The following ST7L variants were observed in gnomAD, a reference collection of about 807,000 sequenced individuals.
ST7L encodes suppression of tumorigenicity 7 like, also known as suppressor of tumorigenicity 7 protein-like.
Under a neutral mutation model 72.5 loss-of-function variants are expected in ST7L, and 57 were observed. That is an observed-to-expected ratio of 0.79 (90% CI 0.64 to 0.98). ST7L has a LOEUF of 0.98. Among genes scored for constraint, ST7L ranks in the 50% least tolerant of loss-of-function variants. ST7L has a pLI of 0.00. For missense variants in ST7L, 576 were observed against 672.2 expected (o/e 0.86, Z 1.58); for synonymous variants, 221 against 240.9 (o/e 0.92, Z 0.77).
chr1:112,522,495 C>T (rs546316404), downstream of ST7L: 2 of 152,350 alleles, frequency 1.3e-5, no homozygotes, highest in Admixed American at 6.5e-5. Context: ...ATAAAGAATT[C>T]TGGATACAGG....
chr1:112,583,588 C>T (rs1251641764), intron 7 of ST7L, among the ~76,000 whole-genome samples: 2 of 152,196 alleles, frequency 1.3e-5, no homozygotes, highest in Non-Finnish European at 2.9e-5. Context: ...AAATAATGTA[C>T]CTCTACTGTT....
At chr1:112,619,629 T>TA (rs1403463171), upstream of ST7L, 11 of 573,278 alleles carry the variant, frequency 1.9e-5, no homozygotes, top group Non-Finnish European at 2.8e-5. Context: ...GGAAAGATAT[T>TA]AGACTTCAAA....
intron 7 of ST7L, 55 bp from the exon 8 acceptor site, chr1:112,582,527 T>C (rs1207473987): frequency 9.7e-7 from 1 of 1,035,488 alleles, no homozygotes; most frequent in Admixed American, 2.2e-5. Flanking sequence ...TGTGGGCTGC[T>C]ATTTCATTAA....
intron 14 of ST7L, chr1:112,540,178 C>T: frequency 1.0e-6 from 1 of 985,370 alleles, no homozygotes; most frequent in Non-Finnish European, 1.2e-6. Context: ...TAGATCTATT[C>T]CAGATTCTAG....
chr1:112,599,073 A>AAAAAAAAAAATATATAT (rs1190968815), intron 4 of ST7L, among the ~76,000 whole-genome samples: 5 of 56,996 alleles, frequency 8.8e-5, no homozygotes, highest in Admixed American at 2.8e-4. Flanking sequence ...AAAAAAAAAA[A>AAAAAAAAAAATATATAT]ATATATATAT....
chr1:112,572,072 T>C (rs1662230693), intron 11 of ST7L, among the ~76,000 whole-genome samples: 1 of 152,216 alleles, frequency 6.6e-6, no homozygotes, highest in Non-Finnish European at 1.5e-5. Context: ...AACAGAGCTC[T>C]TGGGTGACTA....
chr1:112,611,868 T>C (rs933661533), intron 2 of ST7L, among the ~76,000 whole-genome samples: 10 of 150,538 alleles, frequency 6.6e-5, no homozygotes, highest in Non-Finnish European at 1.3e-4. Context: ...ACTCAGGAAG[T>C]TGAAGTGGGA....
intron 6 of ST7L, among the ~76,000 whole-genome samples, chr1:112,587,321 G>A (rs1028518600): frequency 6.6e-6 from 1 of 152,152 alleles, no homozygotes; most frequent in Non-Finnish European, 1.5e-5. Flanking sequence ...AAAAATCATG[G>A]CCAGGCGTGG....
intron 6 of ST7L, among the ~76,000 whole-genome samples, chr1:112,585,718 G>A (rs1664774745): frequency 6.8e-6 from 1 of 148,072 alleles, no homozygotes; most frequent in Non-Finnish European, 1.5e-5. Context: ...GGGTGACAGA[G>A]TGAGACTCCG....
At chr1:112,602,713 CTTTTTTT>C (rs35617753) in intron 3 of ST7L, among the ~76,000 whole-genome samples, 4 of 120,498 alleles carry the variant, frequency 3.3e-5, no homozygotes, top group African/African-American at 3.2e-5. Flanking sequence ...CATTTTCTTT[CTTTTTTT>C]TTTTTTTTTT....
intron 12 of ST7L, among the ~76,000 whole-genome samples, chr1:112,552,422 G>A (rs1371170283): frequency 2.6e-5 from 4 of 151,842 alleles, no homozygotes; most frequent in Non-Finnish European, 4.4e-5. Context: ...TTTATTTATT[G>A]AGACAGAGTT....
chr1:112,542,495 C>G (rs1019634649), intron 13 of ST7L, among the ~76,000 whole-genome samples: 1 of 152,142 alleles, frequency 6.6e-6, no homozygotes, highest in Non-Finnish European at 1.5e-5. Flanking sequence ...TGGTGGTTCA[C>G]GTCTGTAATC....
intron 6 of ST7L, among the ~76,000 whole-genome samples, chr1:112,586,745 T>C (rs1306666606): frequency 6.6e-6 from 1 of 152,212 alleles, no homozygotes; most frequent in Non-Finnish European, 1.5e-5. Context: ...CTTTGAAGAA[T>C]GTTGGTTTTT....
chr1:112,579,061 C>T (rs185688270), intron 9 of ST7L, among the ~76,000 whole-genome samples: 378 of 152,148 alleles, frequency 2.5e-3, no homozygotes, highest in African/African-American at 8.4e-3. Flanking sequence ...GTCTGCACAA[C>T]GGTGAAATGC....
At chr1:112,553,555 A>C (rs1266023198) in intron 12 of ST7L, among the ~76,000 whole-genome samples, 1 of 152,246 alleles carries the variant, frequency 6.6e-6, no homozygotes, top group Non-Finnish European at 1.5e-5. Context: ...AAATGCACAT[A>C]AATTTAAAGA....
chr1:112,590,418 C>T (rs1322548811), intron 6 of ST7L, among the ~76,000 whole-genome samples: 3 of 152,076 alleles, frequency 2.0e-5, no homozygotes, highest in Non-Finnish European at 4.4e-5. Flanking sequence ...CATTAGTTTC[C>T]AGAGTTTTAA....
intron 4 of ST7L, among the ~76,000 whole-genome samples, chr1:112,599,156 ACACACTT>A (rs1242213299): frequency 7.4e-6 from 1 of 135,102 alleles, no homozygotes; most frequent in Non-Finnish European, 1.6e-5. Flanking sequence ...ACACACACAC[ACACACTT>A]CTTTTCAAGA....
Position 112,526,080 on chromosome 1 carries a change from GC to G in ST7L, c.1660del (p.Ala554HisfsTer12). ...TGTATTCTCCTCAAAGCCTGAGGAT[GC>G]CCAGGGTTGGGGGCACCAGAGTCCC... ...VLGLWCPQPW[A>X]SSGFEENTQD... is the part of the protein sequence containing the mutation. On this transcript the variant is annotated frameshift_variant, in exon 15 of 15. Coordinates refer to ENST00000358039, the MANE Select transcript of ST7L (RefSeq NM_017744.5). LOFTEE classifies it low-confidence loss of function (END_TRUNC). 1 of 1,614,164 alleles carries G rather than the reference GC, an allele frequency of 6.2e-7. No homozygotes were observed.
chr1:112,547,363 T>G (rs572652974), intron 13 of ST7L, among the ~76,000 whole-genome samples: 1 of 151,948 alleles, frequency 6.6e-6, no homozygotes, highest in South Asian at 2.1e-4. Context: ...TGGCTAACTT[T>G]TGTATTTTTA....
Sources: gnomAD v4.1 joint callset for allele counts (sites outside exome capture counted in the v4.1 genomes callset) on GRCh38, gnomAD v4.1.1 for gene constraint, MANE v1.5 for transcripts, NCBI Gene and HGNC (gene_info 2026-07-23, HGNC 2026-07-21) for gene names.